Variants in TTLL6 observed in about 807,000 individuals in gnomAD.
The protein encoded by TTLL6 is tubulin tyrosine ligase like 6, also known as tubulin polyglutamylase TTLL6.
A neutral mutation model predicts 96.4 loss-of-function variants in TTLL6; 75 were observed. The ratio of observed to expected loss-of-function variants is 0.78; its 90% confidence interval spans 0.65 to 0.94. The LOEUF (loss-of-function observed/expected upper bound fraction) is 0.94, where lower values mean the gene tolerates loss of function less well. Ranked by LOEUF, TTLL6 falls within the 40% of genes least tolerant of loss-of-function variation. The pLI is 0.00. For synonymous variants in TTLL6, 411 were observed against 419.4 expected (o/e 0.98, Z 0.24); for missense variants, 1,030 against 1,093.0 (o/e 0.94, Z 0.81).
At chr17:48,791,025 G>C (rs879467706) in intron 9 of TTLL6, among the ~76,000 whole-genome samples, 1 of 152,146 alleles carries the variant, frequency 6.6e-6, no homozygotes, top group Non-Finnish European at 1.5e-5. Flanking sequence ...GGGCACCGCC[G>C]CTCCTGTCTG....
chr17:48,798,272 T>A (rs1249187286), intron 6 of TTLL6, among the ~76,000 whole-genome samples: 1 of 152,032 alleles, frequency 6.6e-6, no homozygotes, highest in African/African-American at 2.4e-5. Flanking sequence ...AATTTTTTTT[T>A]AATAAAAAAT....
Position 48,772,121 on chromosome 17 carries a change from AAAAAG to A in TTLL6, c.2041-2029_2041-2025del, listed in dbSNP as rs551782668. Reference sequence around the variant, plus strand: ...ACAAAAAAACCCACTAGATATGCAAAAAAAGAAAAGAAAAGAAAAGAAAGAAACCA... The same window carrying A: ...ACAAAAAAACCCACTAGATATGCAAAAAAAGAAAAGAAAAGAAAGAAACCA... On this transcript the variant is annotated intron_variant, in intron 13 of 15. Coordinates refer to ENST00000393382, the MANE Select transcript of TTLL6 (RefSeq NM_001130918.3). 3.7e-4 allele frequency among the ~76,000 whole-genome samples: 56 copies of A among 152,130 alleles called. No individual in the cohort carries two copies. In the South Asian group the frequency reaches 9.6e-3, roughly 26 times the overall value.
In TTLL6 at chr17:48,802,159, G is replaced by A. The variant is rs1029820322; in HGVS notation, c.362-516C>T. On this transcript the variant is annotated intron_variant, in intron 3 of 15. Transcript: ENST00000393382. Reference sequence around the variant, plus strand: ...GAAAGAAAGAAAGAAAGAAAATAAAGGAACATGGAGAGTTGAAAACTACTG... The same window carrying A: ...GAAAGAAAGAAAGAAAGAAAATAAAAGAACATGGAGAGTTGAAAACTACTG... Among the ~76,000 whole-genome samples, 36 of 150,494 alleles carry A rather than the reference G, an allele frequency of 2.4e-4. 1 individual carries two copies. Among genetic ancestry groups the A allele is most frequent in the South Asian group, 6.4e-4 (3 of 4,710 alleles).
At chr17:48,769,366 G>T in intron 14 of TTLL6, 112 bp from the exon 15 acceptor site, 1 of 1,311,484 alleles carries the variant, frequency 7.6e-7, no homozygotes, top group Non-Finnish European at 1.0e-6. Flanking sequence ...GCCATTCAAA[G>T]CTCTTTGAGC....
At chr17:48,780,447 C>G (rs931335252) in intron 13 of TTLL6, among the ~76,000 whole-genome samples, 2 of 152,158 alleles carry the variant, frequency 1.3e-5, no homozygotes, top group Non-Finnish European at 1.5e-5. Context: ...AGGATCCAAT[C>G]GAAGGCAGCC....
intron 13 of TTLL6, among the ~76,000 whole-genome samples, chr17:48,779,717 A>G (rs1280795411): frequency 6.6e-6 from 1 of 152,278 alleles, no homozygotes; most frequent in Non-Finnish European, 1.5e-5. Flanking sequence ...ATATCTGTAC[A>G]GTGAAATACA....
chr17:48,788,076 G>A, intron 10 of TTLL6, 77 bp from the exon 11 acceptor site: 1 of 1,407,070 alleles, frequency 7.1e-7, no homozygotes, highest in Non-Finnish European at 9.8e-7. Context: ...CCAAGCTGGA[G>A]GTCGTCTAGG....
chr17:48,807,059 T>A (rs1339596723), intron 1 of TTLL6, among the ~76,000 whole-genome samples: 1 of 152,206 alleles, frequency 6.6e-6, no homozygotes, highest in African/African-American at 2.4e-5. Flanking sequence ...TTAATTAATT[T>A]AAAAATAAAA....
chr17:48,780,167 C>T lies in TTLL6; in HGVS notation c.2040+4756G>A, dbSNP rs897201895. On this transcript the variant is annotated intron_variant, in intron 13 of 15. Coordinates refer to ENST00000393382, the MANE Select transcript of TTLL6 (RefSeq NM_001130918.3). The stretch of plus-strand genomic sequence containing the variant: ...TTTTGTTTGTTTATTTATTTTGAGA[C>T]GGAGTTTTGCTCTGGTCGCCCAGGC... Among the ~76,000 whole-genome samples, 7 of 151,916 alleles carry T rather than the reference C, an allele frequency of 4.6e-5. 1 individual carries two copies. Among genetic ancestry groups the T allele is most frequent in the Non-Finnish European group, 7.4e-5 (5 of 67,980 alleles).
Position 48,816,977 on chromosome 17 carries a change from T to C in TTLL6, c.96A>G (p.Gly32=), listed in dbSNP as rs768493593. The change falls in exon 1 of 16, where the codon GGA becomes GGG. Residue 32 remains glycine (G), a synonymous_variant. Coordinates refer to ENST00000393382, the MANE Select transcript of TTLL6 (RefSeq NM_001130918.3). ...GCTTTGGGGCGCTCTTACCCGCAAT[T>C]CCTACTCCCCCGTCTCGCCCCGCTG... ...SSPAGRDGGV[G]IAGAWYFPRA... is the part of the protein sequence containing the mutation. 6.5e-6 allele frequency: 10 copies of C among 1,534,062 alleles called. No homozygotes were observed. In the African/African-American group the frequency reaches 1.2e-4, roughly 19 times the overall value.
At chr17:48,775,690 C>A (rs1233378893) in intron 13 of TTLL6, among the ~76,000 whole-genome samples, 1 of 152,020 alleles carries the variant, frequency 6.6e-6, no homozygotes, top group Non-Finnish European at 1.5e-5. Flanking sequence ...TACAGGCATG[C>A]ACCACCACAT....
intron 13 of TTLL6, 100 bp from the exon 14 acceptor site, chr17:48,770,197 A>T (rs2038711558): frequency 6.9e-7 from 1 of 1,456,566 alleles, no homozygotes; most frequent in Admixed American, 2.6e-5. Context: ...AGGTCTTGCT[A>T]TGCTGCCCAG....
chr17:48,773,775 G>A (rs915271044), intron 13 of TTLL6, among the ~76,000 whole-genome samples: 8 of 151,292 alleles, frequency 5.3e-5, no homozygotes, highest in African/African-American at 1.9e-4. Context: ...ATAGTCTAAG[G>A]TTTCTCCTTA....
At chr17:48,773,167 G>C (rs893859846) in intron 13 of TTLL6, among the ~76,000 whole-genome samples, 6 of 152,142 alleles carry the variant, frequency 3.9e-5, no homozygotes, top group African/African-American at 4.8e-5. Flanking sequence ...AGAGAATCAA[G>C]ATTAAAGAAA....
rs1567733193 is a variant in TTLL6, at chr17:48,801,628, T to C, written c.377A>G (p.Gln126Arg). The change falls in exon 4 of 16, where the codon CAA (glutamine) becomes CGA (arginine). Residue 126 changes from glutamine (Q) to arginine (R), a missense_variant. Gln to Arg is a conservative substitution (Grantham distance 43, BLOSUM62 1). Coordinates refer to ENST00000393382, the MANE Select transcript of TTLL6 (RefSeq NM_001130918.3). ...CCCTCCCTCTCTAAAGCCGTACTGT[T>C]GGGCAGCCCTGCGCACTATTGAAGA... The part of the protein sequence containing the change: ...CRYESVRRAA[Q>R]QYGFREGGED... 1 of 1,551,650 alleles carries C rather than the reference T, an allele frequency of 6.4e-7. No individual in the cohort carries two copies. Among genetic ancestry groups the C allele is most frequent in the South Asian group, 1.2e-5 (1 of 84,056 alleles).
intron 15 of TTLL6, chr17:48,765,854 A>T (rs2038593639): frequency 6.6e-6 from 1 of 152,304 alleles, no homozygotes. Context: ...CAGCACCATG[A>T]CTAATACTAA....
chr17:48,775,520 C>T (rs989167764), intron 13 of TTLL6, among the ~76,000 whole-genome samples: 2 of 143,260 alleles, frequency 1.4e-5, no homozygotes, highest in African/African-American at 5.1e-5. Flanking sequence ...CAACATCCAT[C>T]TATTATTATT....
intron 6 of TTLL6, among the ~76,000 whole-genome samples, chr17:48,798,468 A>T (rs920547252): frequency 1.3e-5 from 2 of 151,954 alleles, no homozygotes; most frequent in African/African-American, 4.8e-5. Context: ...TTGGGAGGCT[A>T]AGGCAGGAGA....
At chr17:48,769,557 A>G (rs888201443) in intron 14 of TTLL6, among the ~76,000 whole-genome samples, 171 bp downstream of exon 14, 4 of 152,248 alleles carry the variant, frequency 2.6e-5, no homozygotes, top group Non-Finnish European at 5.9e-5. Context: ...CAATCAGACT[A>G]GAGACTTCCT....
Sources: allele counts gnomAD v4.1 joint callset (sites outside exome capture counted in the v4.1 genomes callset), GRCh38; gene constraint gnomAD v4.1.1; transcripts MANE v1.5; gene names NCBI Gene and HGNC (gene_info 2026-07-23, HGNC 2026-07-21).